TCAIM: variants seen among roughly 807,000 people sequenced by gnomAD.
TCAIM encodes the protein T cell activation inhibitor, mitochondrial.
Under a neutral mutation model 58.6 loss-of-function variants are expected in TCAIM, and 36 were observed. The ratio of observed to expected loss-of-function variants is 0.61; its 90% confidence interval spans 0.47 to 0.81. The LOEUF (loss-of-function observed/expected upper bound fraction) is 0.81. Ranked by LOEUF, TCAIM falls within the 30% of genes least tolerant of loss-of-function variation. The pLI, the probability that TCAIM is intolerant of heterozygous loss-of-function variation, is 0.00. For synonymous variants in TCAIM, 172 were observed against 193.6 expected, an observed-to-expected ratio of 0.89 and a Z score of 0.93; for missense variants, 466 against 579.6, an observed-to-expected ratio of 0.80 and a Z score of 2.01.
At chr3:44,360,179 GT>G (rs541664831) in intron 3 of TCAIM, among the ~76,000 whole-genome samples, 6 of 150,546 alleles carry the variant, frequency 4.0e-5, no homozygotes, top group East Asian at 2.0e-4. Context: ...TGCAGTACTT[GT>G]TTTTTTTTCC....
intron 6 of TCAIM, among the ~76,000 whole-genome samples, chr3:44,394,917 AAAAAATATATATATATATAT>A (rs1701904342): frequency 2.7e-5 from 1 of 36,884 alleles, no homozygotes; most frequent in East Asian, 8.6e-4. Context: ...AAAAAAAAAA[AAAAAATATATATATATATAT>A]ATATATATAT....
At chr3:44,342,564 C>A (rs976109722) in intron 1 of TCAIM, among the ~76,000 whole-genome samples, 1 of 152,086 alleles carries the variant, frequency 6.6e-6, no homozygotes, top group Non-Finnish European at 1.5e-5. Context: ...AAATCTCTAG[C>A]TTTTTCGTTT....
chr3:44,357,897 A>C, intron 3 of TCAIM, 21 bp downstream of exon 3: 1 of 1,610,946 alleles, frequency 6.2e-7, no homozygotes. Context: ...ATTTATTTTT[A>C]AACCATTAGT....
chr3:44,338,238 A>T (rs1435681706), upstream of TCAIM: 1 of 152,378 alleles, frequency 6.6e-6, no homozygotes, highest in African/African-American at 2.4e-5. Context: ...TCATTTTCCG[A>T]GTCCCTCCGG....
intron 5 of TCAIM, among the ~76,000 whole-genome samples, chr3:44,372,834 TC>T (rs1701502500): frequency 6.6e-6 from 1 of 152,240 alleles, no homozygotes; most frequent in Non-Finnish European, 1.5e-5. Context: ...GACCTCATGA[TC>T]CACCCGTCTT....
chr3:44,378,555 C>T (rs772282046), intron 5 of TCAIM, among the ~76,000 whole-genome samples: 22 of 151,886 alleles, frequency 1.4e-4, no homozygotes, highest in Non-Finnish European at 2.6e-4. Context: ...CGGTGGCTCA[C>T]GCCTGTAATC....
At chr3:44,396,967 G>A (rs1390990658) in intron 8 of TCAIM, 133 bp downstream of exon 8, 2 of 773,416 alleles carry the variant, frequency 2.6e-6, no homozygotes, top group South Asian at 2.0e-5. Flanking sequence ...TTTAATCGCA[G>A]TATCAGCTGT....
chr3:44,389,437 A>G (rs966511501), intron 5 of TCAIM, among the ~76,000 whole-genome samples: 1 of 152,250 alleles, frequency 6.6e-6, no homozygotes, highest in African/African-American at 2.4e-5. Flanking sequence ...TCACAAATCT[A>G]TAAGATCATA....
chr3:44,345,699 G>A (rs1347376904), intron 1 of TCAIM, among the ~76,000 whole-genome samples: 2 of 152,040 alleles, frequency 1.3e-5, no homozygotes, highest in African/African-American at 4.8e-5. Context: ...GCATAAGAAC[G>A]GGAACAAGAA....
chr3:44,396,487 A>G lies in TCAIM; in HGVS notation c.783A>G (p.Lys261=). Residue 261 remains lysine (K), a synonymous_variant, in exon 7 of 11, where the codon AAA becomes AAG. Coordinates refer to ENST00000342649, the MANE Select transcript of TCAIM (RefSeq NM_173826.4). ...RLAQQNLETL[K]KAKGCTIIFT... is the part of the protein sequence containing the mutation. The stretch of plus-strand genomic sequence containing the variant: ...CACAGCAGAATTTGGAAACACTTAA[A>G]AAAGCAAAAGGTAAACATTTTCCAT... 6.2e-7 allele frequency: 1 copy of G among 1,613,232 alleles called. No homozygotes were observed. Among genetic ancestry groups the G allele is most frequent in the Non-Finnish European group, 8.5e-7 (1 of 1,179,860 alleles).
At chr3:44,346,844 T>G (rs1700981271) in intron 1 of TCAIM, among the ~76,000 whole-genome samples, 1 of 152,176 alleles carries the variant, frequency 6.6e-6, no homozygotes, top group South Asian at 2.1e-4. Context: ...CACAGAGCCC[T>G]GTACTTCGGC....
At chr3:44,370,862 C>T (rs1701456566) in intron 5 of TCAIM, among the ~76,000 whole-genome samples, 1 of 149,444 alleles carries the variant, frequency 6.7e-6, no homozygotes, top group South Asian at 2.1e-4. Flanking sequence ...CCGCCTCAGC[C>T]TTTGGAGTAG....
At chr3:44,371,954 T>G (rs1701477057) in intron 5 of TCAIM, among the ~76,000 whole-genome samples, 2 of 149,054 alleles carry the variant, frequency 1.3e-5, no homozygotes, top group Non-Finnish European at 3.0e-5. Context: ...AAATACCATA[T>G]TCGCTCCCCA....
At chr3:44,342,256 C>A (rs934867722) in intron 1 of TCAIM, among the ~76,000 whole-genome samples, 1 of 152,126 alleles carries the variant, frequency 6.6e-6, no homozygotes, top group Non-Finnish European at 1.5e-5. Flanking sequence ...AATTAAAAGG[C>A]AGTTTGGAGT....
At chr3:44,375,308 A>AG (rs1396340384) in intron 5 of TCAIM, among the ~76,000 whole-genome samples, 3 of 152,214 alleles carry the variant, frequency 2.0e-5, no homozygotes, top group African/African-American at 4.8e-5. Context: ...TGCAGGCTGT[A>AG]CAAGAAGTGT....
chr3:44,384,231 T>A (rs1434060944), intron 5 of TCAIM, among the ~76,000 whole-genome samples: 2 of 152,258 alleles, frequency 1.3e-5, no homozygotes, highest in East Asian at 3.8e-4. Context: ...GCAGTAATGA[T>A]CCTTTTAAAA....
Position 44,392,967 on chromosome 3 carries a change from T to G in TCAIM, c.685T>G (p.Ser229Ala). The G allele has an allele frequency of 2.5e-6, 4 of 1,610,542 alleles. No individual in the cohort carries two copies. Among genetic ancestry groups the G allele is most frequent in the Non-Finnish European group, 2.5e-6 (3 of 1,178,508 alleles). Residue 229 changes from serine (S) to alanine (A), a missense_variant, in exon 6 of 11, where the codon TCA becomes GCA. Transcript: ENST00000342649. ...TGAACTGTCTCATCAATTGCAACTC[T>G]CAGATATCAGGTAAGAAAGAAGAGA... is the stretch of plus-strand genomic sequence containing the variant. ...KDELSHQLQL[S>A]DIRWQRSWGI...
At chr3:44,398,403 C>T (rs1701970269) in intron 8 of TCAIM, among the ~76,000 whole-genome samples, 1 of 151,070 alleles carries the variant, frequency 6.6e-6, no homozygotes, top group Admixed American at 6.6e-5. Context: ...GCATTCCAGC[C>T]TGGGCAACAC....
chr3:44,357,575 C>T (rs1405645296), intron 2 of TCAIM, among the ~76,000 whole-genome samples, 166 bp from the exon 3 acceptor site: 1 of 152,130 alleles, frequency 6.6e-6, no homozygotes, highest in African/African-American at 2.4e-5. Flanking sequence ...TTTTAGAAAC[C>T]ATGTGGTACT....
Sources: gnomAD v4.1 joint callset for allele counts (sites outside exome capture counted in the v4.1 genomes callset) on GRCh38, gnomAD v4.1.1 for gene constraint, MANE v1.5 for transcripts, NCBI Gene and HGNC (gene_info 2026-07-23, HGNC 2026-07-21) for gene names.